The following FAM107B variants were observed in gnomAD, a reference collection of about 807,000 sequenced individuals.
FAM107B encodes the protein family with sequence similarity 107 member B.
Under a neutral mutation model 31.5 loss-of-function variants are expected in FAM107B, and 21 were observed. The observed-to-expected ratio is 0.67, with a 90% CI of 0.47 to 0.96. The LOEUF (loss-of-function observed/expected upper bound fraction) is 0.96. FAM107B is among the 40% of genes least tolerant of loss of function. FAM107B has a pLI of 0.00. For missense variants in FAM107B, 452 were observed against 377.1 expected (o/e 1.20, Z -1.64); for synonymous variants, 157 against 141.5 (o/e 1.11, Z -0.78).
chr10:14,634,244 A>C (rs1853439674), intron 2 of FAM107B, among the ~76,000 whole-genome samples: 1 of 151,830 alleles, frequency 6.6e-6, no homozygotes, highest in African/African-American at 2.4e-5. Context: ...AAATTACAAA[A>C]AAAAAATTAG....
chr10:14,650,577 C>T (rs1213382630), intron 2 of FAM107B, among the ~76,000 whole-genome samples: 12 of 152,164 alleles, frequency 7.9e-5, no homozygotes, highest in African/African-American at 1.7e-4. Flanking sequence ...TGAGCCACCG[C>T]GCCCGGCCTC....
At chr10:14,677,126 G>C (rs1474679245) in intron 1 of FAM107B, among the ~76,000 whole-genome samples, 1 of 152,044 alleles carries the variant, frequency 6.6e-6, no homozygotes, top group Non-Finnish European at 1.5e-5. Context: ...TTGATCCCAG[G>C]AGCATTCCCT....
At chr10:14,542,294 T>C (rs1588528397) in intron 2 of FAM107B, among the ~76,000 whole-genome samples, 1 of 150,386 alleles carries the variant, frequency 6.6e-6, no homozygotes, top group African/African-American at 2.4e-5. Flanking sequence ...AAAAAAGTAT[T>C]GAATGAACAG....
intron 2 of FAM107B, among the ~76,000 whole-genome samples, chr10:14,621,039 A>G (rs1852998447): frequency 6.6e-6 from 1 of 152,320 alleles, no homozygotes; most frequent in African/African-American, 2.4e-5. Flanking sequence ...TTGACCTTGT[A>G]TCTTATGAAC....
At chr10:14,565,225 A>G (rs192150101) in intron 2 of FAM107B, among the ~76,000 whole-genome samples, 2 of 152,292 alleles carry the variant, frequency 1.3e-5, no homozygotes, top group East Asian at 3.8e-4. Context: ...CTTATTTTCT[A>G]CTGGGGGAAG....
At chr10:14,528,859 T>C (rs565998925) in intron 3 of FAM107B, among the ~76,000 whole-genome samples, 1 of 152,328 alleles carries the variant, frequency 6.6e-6, no homozygotes, top group South Asian at 2.1e-4. Context: ...AGCCTATAAT[T>C]TAGAGAACAC....
intron 1 of FAM107B, among the ~76,000 whole-genome samples, chr10:14,767,687 A>T (rs914904352): frequency 6.6e-6 from 1 of 152,236 alleles, no homozygotes; most frequent in African/African-American, 2.4e-5. Flanking sequence ...AATAAAGTTC[A>T]TATAAGAAAA....
intron 2 of FAM107B, among the ~76,000 whole-genome samples, chr10:14,627,664 T>C (rs1853199848): frequency 6.6e-6 from 1 of 152,120 alleles, no homozygotes; most frequent in Non-Finnish European, 1.5e-5. Flanking sequence ...TTCCAGCTCC[T>C]TGGAAGGCTG....
intron 1 of FAM107B, among the ~76,000 whole-genome samples, chr10:14,760,273 C>A (rs1168103756): frequency 1.3e-5 from 2 of 152,204 alleles, no homozygotes; most frequent in East Asian, 1.9e-4. Context: ...TGGCCCCTCA[C>A]TGAAATTTCT....
intron 2 of FAM107B, among the ~76,000 whole-genome samples, chr10:14,605,758 CTTGAG>C (rs1852572515): frequency 6.6e-6 from 1 of 152,298 alleles, no homozygotes; most frequent in Admixed American, 6.5e-5. Context: ...CTCTCTCGTC[CTTGAG>C]TTGTGTTTCT....
intron 1 of FAM107B, among the ~76,000 whole-genome samples, chr10:14,701,203 G>A (rs999066657): frequency 5.3e-5 from 8 of 151,720 alleles, no homozygotes; most frequent in African/African-American, 1.9e-4. Context: ...CTTAATGCCA[G>A]GCAGAAACTC....
chr10:14,543,828 G>T (rs1355946754), intron 2 of FAM107B, among the ~76,000 whole-genome samples: 1 of 151,968 alleles, frequency 6.6e-6, no homozygotes. Context: ...GAAATGTTCT[G>T]ATAATAAAGA....
At chr10:14,634,452 T>C (rs1207150433) in intron 2 of FAM107B, among the ~76,000 whole-genome samples, 1 of 151,140 alleles carries the variant, frequency 6.6e-6, no homozygotes, top group Non-Finnish European at 1.5e-5. Flanking sequence ...ACATTTTGGA[T>C]AACAGGCAGC....
intron 2 of FAM107B, chr10:14,604,339 C>G: frequency 2.4e-6 from 2 of 826,386 alleles, no homozygotes; most frequent in Non-Finnish European, 2.9e-6. Flanking sequence ...CCCGAGGCGG[C>G]GCGAGGGCGG....
chr10:14,591,683 C>T (rs895956047), intron 2 of FAM107B, among the ~76,000 whole-genome samples: 2 of 152,208 alleles, frequency 1.3e-5, no homozygotes, highest in Non-Finnish European at 2.9e-5. Context: ...AGGACCCCAA[C>T]GCTCAGTTTT....
chr10:14,692,339 C>T (rs1250562834), intron 1 of FAM107B, among the ~76,000 whole-genome samples: 1 of 152,020 alleles, frequency 6.6e-6, no homozygotes, highest in African/African-American at 2.4e-5. Context: ...TTGGGGTATT[C>T]GTAGGAGGGG....
At chr10:14,723,522 C>T in intron 1 of FAM107B, 4 of 619,774 alleles carry the variant, frequency 6.5e-6, no homozygotes, top group Non-Finnish European at 9.0e-6. Context: ...CTTCCCAGGC[C>T]AGCATACACC....
intron 1 of FAM107B, among the ~76,000 whole-genome samples, chr10:14,767,521 A>G (rs1833209312): frequency 1.3e-5 from 2 of 152,202 alleles, no homozygotes; most frequent in Admixed American, 6.5e-5. Context: ...ACATAGAAAA[A>G]TCGATCAGTG....
intron 2 of FAM107B, among the ~76,000 whole-genome samples, chr10:14,663,180 T>C (rs1368727013): frequency 2.6e-5 from 4 of 152,228 alleles, no homozygotes; most frequent in Non-Finnish European, 5.9e-5. Context: ...GCTTCCCTAC[T>C]TTTGAGATTT....
Sources: gnomAD v4.1 joint callset for allele counts (sites outside exome capture counted in the v4.1 genomes callset) on GRCh38, gnomAD v4.1.1 for gene constraint, MANE v1.5 for transcripts, NCBI Gene and HGNC (gene_info 2026-07-23, HGNC 2026-07-21) for gene names.